The following COL13A1 variants were observed in gnomAD, a reference collection of about 807,000 sequenced individuals.
The protein encoded by COL13A1 is collagen type XIII alpha 1 chain, also known as collagen alpha-1(XIII) chain.
COL13A1 carries 89 observed loss-of-function variants against 130.9 expected under a neutral mutation model. That is an observed-to-expected ratio of 0.68 (90% CI 0.57 to 0.81). COL13A1 has a LOEUF of 0.81. Among genes scored for constraint, COL13A1 ranks in the 30% least tolerant of loss-of-function variants. The pLI is 0.00. For synonymous variants in COL13A1, 402 were observed against 341.6 expected, an observed-to-expected ratio of 1.18 and a Z score of -1.95; for missense variants, 879 against 934.6, an observed-to-expected ratio of 0.94 and a Z score of 0.78.
At chr10:69,953,356 C>CCAGTAGTT (rs879386101) in intron 39 of COL13A1, among the ~76,000 whole-genome samples, 5 of 152,182 alleles carry the variant, frequency 3.3e-5, no homozygotes, top group Admixed American at 3.3e-4. Context: ...CCTCTGTGGG[C>CCAGTAGTT]CAGTAGTTCA....
intron 17 of COL13A1, among the ~76,000 whole-genome samples, chr10:69,910,557 G>C (rs2063259453): frequency 6.6e-6 from 1 of 152,166 alleles, no homozygotes; most frequent in African/African-American, 2.4e-5. Flanking sequence ...CGCAAGGCAG[G>C]CTTCTCCATC....
At chr10:69,841,160 C>T (rs1290321494) in intron 2 of COL13A1, among the ~76,000 whole-genome samples, 2 of 151,942 alleles carry the variant, frequency 1.3e-5, no homozygotes, top group Admixed American at 1.3e-4. Flanking sequence ...CCCTGCTCTT[C>T]CCTCTGCCAG....
intron 2 of COL13A1, among the ~76,000 whole-genome samples, chr10:69,830,899 C>T (rs1241087388): frequency 4.6e-5 from 7 of 152,282 alleles, no homozygotes; most frequent in Non-Finnish European, 7.4e-5. Context: ...CCTCCATTTT[C>T]GCCCGCCCTC....
chr10:69,921,266 C>T (rs2064632005), intron 21 of COL13A1, among the ~76,000 whole-genome samples: 1 of 152,182 alleles, frequency 6.6e-6, no homozygotes, highest in African/African-American at 2.4e-5. Flanking sequence ...CTCCATATGG[C>T]ATTTCCCTGT....
chr10:69,877,718 C>G (rs2059737571), intron 5 of COL13A1: 2 of 337,268 alleles, frequency 5.9e-6, no homozygotes, highest in Non-Finnish European at 1.1e-5. Context: ...CACACACACA[C>G]ACACACACAC....
intron 2 of COL13A1, among the ~76,000 whole-genome samples, chr10:69,863,839 G>A (rs1461885477): frequency 6.6e-6 from 1 of 152,154 alleles, no homozygotes; most frequent in East Asian, 1.9e-4. Context: ...CACTTTGGGA[G>A]CCCGAGGCAG....
rs1589180898 is a variant in COL13A1, at chr10:69,868,494, A to G, written c.372+689A>G. On this transcript the variant is annotated intron_variant, in intron 3 of 40. Transcript: ENST00000645393. Reference sequence around the variant, plus strand: ...CCCAAGGAGACTGCCTCCCTCAAGTAATGGATCCAGAGAACAGGAGCACCT... The same window carrying G: ...CCCAAGGAGACTGCCTCCCTCAAGTGATGGATCCAGAGAACAGGAGCACCT... Among the ~76,000 whole-genome samples the G allele has an allele frequency of 2.0e-5, 3 of 152,194 alleles. 1 individual carries two copies. In the South Asian group the frequency reaches 6.2e-4, roughly 31 times the overall value.
At chr10:69,854,074 GT>G (rs1184728160) in intron 2 of COL13A1, among the ~76,000 whole-genome samples, 17 of 152,210 alleles carry the variant, frequency 1.1e-4, no homozygotes, top group African/African-American at 4.1e-4. Flanking sequence ...GATGCATCCA[GT>G]TCCTGGACTC....
At chr10:69,858,299 A>T (rs1857028046) in intron 2 of COL13A1, among the ~76,000 whole-genome samples, 1 of 152,132 alleles carries the variant, frequency 6.6e-6, no homozygotes, top group Non-Finnish European at 1.5e-5. Flanking sequence ...TAAGCCAGGG[A>T]CAGTGCTAAA....
At chr10:69,828,717 A>G (rs571953506) in intron 2 of COL13A1, among the ~76,000 whole-genome samples, 161 of 152,314 alleles carry the variant, frequency 1.1e-3, no homozygotes, top group African/African-American at 3.8e-3. Context: ...GGCCTCGGCC[A>G]TGAGTTCTGC....
At position 69,944,105 on chromosome 10, in the gene COL13A1, G is replaced by T. The variant is rs764192241; in HGVS notation, c.1915-20G>T. On this transcript the variant is annotated intron_variant, in intron 35 of 40. Transcript: ENST00000645393. ...CCAGAGTGTGGGGACCCTCACCTCT[G>T]CTTTCTTTCCCCTTCCCAGGGTACT... is the stretch of plus-strand genomic sequence containing the variant. 12 of 1,612,044 alleles carry T rather than the reference G, an allele frequency of 7.4e-6. 1 individual carries two copies. The highest frequency in any genetic ancestry group is 1.6e-4 in the Middle Eastern group (1 of 6,082).
intron 3 of COL13A1, among the ~76,000 whole-genome samples, chr10:69,871,953 G>A (rs1169217160): frequency 6.6e-6 from 1 of 152,220 alleles, no homozygotes; most frequent in Admixed American, 6.5e-5. Context: ...GGTTACCCAA[G>A]TAGTAAGTGG....
intron 40 of COL13A1, among the ~76,000 whole-genome samples, chr10:69,957,804 C>A (rs1255303606): frequency 6.6e-6 from 1 of 152,174 alleles, no homozygotes; most frequent in African/African-American, 2.4e-5. Flanking sequence ...CCCATACCGT[C>A]TCCCTCCACC....
intron 1 of COL13A1, among the ~76,000 whole-genome samples, chr10:69,805,932 C>G (rs754597847): frequency 4.6e-5 from 7 of 152,254 alleles, no homozygotes; most frequent in African/African-American, 1.7e-4. Context: ...CCTCATGGGG[C>G]ACACACAGGC....
At chr10:69,849,263 C>A (rs1033828577) in intron 2 of COL13A1, among the ~76,000 whole-genome samples, 2 of 152,200 alleles carry the variant, frequency 1.3e-5, no homozygotes, top group African/African-American at 2.4e-5. Flanking sequence ...CCCCTTCAAT[C>A]CCTTTCCTGC....
chr10:69,902,759 C>A lies in COL13A1; in HGVS notation c.762C>A (p.Ser254Arg). The A allele has an allele frequency of 6.4e-7, 1 of 1,552,880 alleles. No homozygotes were observed. The highest frequency in any genetic ancestry group is 8.7e-7 in the Non-Finnish European group (1 of 1,148,372). ...TCCATGAACCTCAGGGCGAACAGAG[C>A]CAGGCCAGCATCCAAGGTCCACCAG... ...IKRRTFQGEQ[S>R]QASIQGPPGP... The change falls in exon 15 of 41, where the codon AGC becomes AGA. Residue 254 changes from serine (S) to arginine (R), a missense_variant. Ser to Arg is a moderately radical substitution (Grantham distance 110). Around this residue, in one of 3 missense-constraint regions of COL13A1, gnomAD observed 715 missense variants for 721.0 expected, o/e 0.99. Coordinates refer to ENST00000645393, the MANE Select transcript of COL13A1 (RefSeq NM_001368882.1).
chr10:69,821,930 C>G (rs760843358), intron 1 of COL13A1, among the ~76,000 whole-genome samples: 2 of 152,162 alleles, frequency 1.3e-5, no homozygotes, highest in African/African-American at 4.8e-5. Context: ...TGCTGCACCC[C>G]TGCCCAGCTT....
At chr10:69,903,913 T>C (rs1005305969) in intron 15 of COL13A1, among the ~76,000 whole-genome samples, 7 of 152,200 alleles carry the variant, frequency 4.6e-5, no homozygotes, top group African/African-American at 1.7e-4. Context: ...CTGCCCAGCT[T>C]TCAATCTCAA....
chr10:69,802,837 T>G, intron 1 of COL13A1, 120 bp downstream of exon 1: 2 of 1,332,816 alleles, frequency 1.5e-6, no homozygotes, highest in Non-Finnish European at 1.0e-6. Context: ...TTCGCGCGAG[T>G]TGCCTGCGGG....
Sources: gnomAD v4.1 joint callset for allele counts (sites outside exome capture counted in the v4.1 genomes callset) on GRCh38, gnomAD v4.1.1 for gene constraint, gnomAD v4.1.1 regional missense constraint, MANE v1.5 for transcripts, NCBI Gene and HGNC (gene_info 2026-07-23, HGNC 2026-07-21) for gene names.